SNX29: variants seen among roughly 807,000 people sequenced by gnomAD.
SNX29 encodes the protein sorting nexin-29.
A neutral mutation model predicts 102.1 loss-of-function variants in SNX29; 78 were observed. The observed-to-expected ratio is 0.76, with a 90% CI of 0.64 to 0.92. SNX29 has a LOEUF of 0.92. Ranked by LOEUF, SNX29 falls within the 40% of genes least tolerant of loss-of-function variation. SNX29 has a pLI of 0.00. For missense variants in SNX29, 1,280 were observed against 1,061.7 expected, an observed-to-expected ratio of 1.21 and a Z score of -2.86; for synonymous variants, 580 against 414.5, an observed-to-expected ratio of 1.40 and a Z score of -4.85.
intron 11 of SNX29, among the ~76,000 whole-genome samples, chr16:12,106,998 T>G (rs1026763192): frequency 6.6e-6 from 1 of 151,588 alleles, no homozygotes; most frequent in African/African-American, 2.4e-5. Context: ...AAATTTTTTT[T>G]GTAGAGATGA....
chr16:12,010,623 AAAACAAAC>A (rs370695856), intron 3 of SNX29, among the ~76,000 whole-genome samples: 6 of 152,184 alleles, frequency 3.9e-5, no homozygotes, highest in Admixed American at 2.6e-4. Context: ...ACCTCGTCTC[AAAACAAAC>A]AAACAAACAA....
intron 19 of SNX29, among the ~76,000 whole-genome samples, chr16:12,524,363 C>T (rs904346776): frequency 2.0e-5 from 3 of 151,808 alleles, no homozygotes; most frequent in Admixed American, 1.3e-4. Flanking sequence ...GTGAACTCCA[C>T]GAAGGCCACA....
At chr16:12,364,623 C>T (rs1474052975) in intron 16 of SNX29, among the ~76,000 whole-genome samples, 1 of 152,134 alleles carries the variant, frequency 6.6e-6, no homozygotes, top group Non-Finnish European at 1.5e-5. Flanking sequence ...ATTAAAGACA[C>T]AGCGCGGTGA....
chr16:12,514,420 C>G (rs1291527728), intron 19 of SNX29, among the ~76,000 whole-genome samples: 1 of 152,168 alleles, frequency 6.6e-6, no homozygotes, highest in East Asian at 1.9e-4. Context: ...CCTTTCTCTC[C>G]CACTGTCGTA....
chr16:12,383,519 C>G (rs2083246879), intron 16 of SNX29, among the ~76,000 whole-genome samples: 1 of 152,024 alleles, frequency 6.6e-6, no homozygotes, highest in Non-Finnish European at 1.5e-5. Flanking sequence ...TCACTACAAC[C>G]TCTGCCTCCT....
At chr16:12,055,214 T>C (rs1460162682) in intron 8 of SNX29, among the ~76,000 whole-genome samples, 1 of 151,290 alleles carries the variant, frequency 6.6e-6, no homozygotes, top group Non-Finnish European at 1.5e-5. Flanking sequence ...CTATCTCTGT[T>C]TCTGTGTCTC....
chr16:12,039,927 G>A (rs1386290870), intron 4 of SNX29, among the ~76,000 whole-genome samples: 5 of 152,188 alleles, frequency 3.3e-5, no homozygotes, highest in African/African-American at 1.2e-4. Flanking sequence ...TACTGCAATA[G>A]CTGGTGCATA....
At chr16:11,980,936 T>G (rs2055399970) in intron 1 of SNX29, among the ~76,000 whole-genome samples, 1 of 151,918 alleles carries the variant, frequency 6.6e-6, no homozygotes, top group South Asian at 2.1e-4. Context: ...TTTCTCCCCT[T>G]CCATGGTTTG....
chr16:12,452,480 A>C (rs2086349618), intron 18 of SNX29, among the ~76,000 whole-genome samples: 1 of 146,418 alleles, frequency 6.8e-6, no homozygotes, highest in Admixed American at 6.8e-5. Context: ...CGCTGAGTAC[A>C]CCGCTCCGTA....
rs917931058 is a variant in SNX29 at position 12,162,074 on chromosome 16, T to G, written c.1595+32316T>G. 3.3e-5 allele frequency among the ~76,000 whole-genome samples: 5 copies of G among 152,174 alleles called. No homozygotes were observed. The East Asian group carries it at 7.7e-4, about 23-fold the overall frequency. ...TCTATTAAACCTCACCATCAACCCC[T>G]TTGATGGTGCCATGTACTTACTTCC... On this transcript the variant is annotated intron_variant, in intron 13 of 20. Transcript: ENST00000566228.
At chr16:12,208,181 G>T (rs898885021) in intron 14 of SNX29, among the ~76,000 whole-genome samples, 1 of 152,214 alleles carries the variant, frequency 6.6e-6, no homozygotes, top group Non-Finnish European at 1.5e-5. Flanking sequence ...CCATGGGTGA[G>T]GGCTAGTCAT....
intron 13 of SNX29, among the ~76,000 whole-genome samples, chr16:12,171,351 C>A (rs193038244): frequency 1.3e-5 from 2 of 151,966 alleles, no homozygotes; most frequent in African/African-American, 4.8e-5. Flanking sequence ...AGGGAGAAAA[C>A]ACGCACAGTT....
chr16:12,541,544 G>A (rs1301757433), intron 20 of SNX29, among the ~76,000 whole-genome samples: 1 of 151,858 alleles, frequency 6.6e-6, no homozygotes, highest in Non-Finnish European at 1.5e-5. Flanking sequence ...TTGTTCATCA[G>A]CCTCCCTTTT....
chr16:12,391,471 A>T (rs2083527074), intron 16 of SNX29, among the ~76,000 whole-genome samples: 1 of 152,244 alleles, frequency 6.6e-6, no homozygotes, highest in African/African-American at 2.4e-5. Flanking sequence ...GCATGGTGGA[A>T]CAAAAACTTT....
At chr16:12,430,508 A>G (rs1044021407) in intron 18 of SNX29, among the ~76,000 whole-genome samples, 3 of 152,252 alleles carry the variant, frequency 2.0e-5, no homozygotes, top group African/African-American at 7.2e-5. Flanking sequence ...TCAGAGATCT[A>G]TAGCCTTGGG....
At chr16:12,437,941 G>A (rs1334524334) in intron 18 of SNX29, among the ~76,000 whole-genome samples, 1 of 152,146 alleles carries the variant, frequency 6.6e-6, no homozygotes, top group East Asian at 1.9e-4. Flanking sequence ...CGGTCCATCT[G>A]CACTGCCAGG....
intron 11 of SNX29, among the ~76,000 whole-genome samples, chr16:12,109,722 T>G (rs546260472): frequency 1.6e-4 from 23 of 148,306 alleles, no homozygotes; most frequent in African/African-American, 5.6e-4. Flanking sequence ...CCTGTTGAGC[T>G]TCCATTGCCC....
chr16:12,157,226 G>C (rs1487943404), intron 13 of SNX29, among the ~76,000 whole-genome samples: 1 of 152,082 alleles, frequency 6.6e-6, no homozygotes, highest in African/African-American at 2.4e-5. Context: ...GTCCCCTCAA[G>C]GTGCTGGCTG....
rs545645606 is a variant in SNX29, at chr16:12,534,974, G to A, written c.2318+10133G>A. On this transcript the variant is annotated intron_variant, in intron 20 of 20. Coordinates refer to ENST00000566228, the MANE Select transcript of SNX29 (RefSeq NM_032167.5). ...CACAGCAGAGTTATCTGACCTGAAC[G>A]TCATTAGTGTGAAGGTTGAGAAGCC... 1.1e-4 allele frequency among the ~76,000 whole-genome samples: 17 copies of A among 152,292 alleles called. No individual in the cohort carries two copies. In the South Asian group the frequency reaches 2.7e-3, roughly 24 times the overall value.
Sources: allele counts gnomAD v4.1 joint callset (sites outside exome capture counted in the v4.1 genomes callset), GRCh38; gene constraint gnomAD v4.1.1; transcripts MANE v1.5; gene names NCBI Gene and HGNC (gene_info 2026-07-23, HGNC 2026-07-21).